THSD4: variants seen among roughly 807,000 people sequenced by gnomAD.
The protein encoded by THSD4 is thrombospondin type 1 domain containing 4.
A neutral mutation model predicts 119.0 loss-of-function variants in THSD4; 69 were observed. That is an observed-to-expected ratio of 0.58 (90% CI 0.48 to 0.71). The LOEUF is 0.71. THSD4 is among the 30% of genes least tolerant of loss of function. The pLI, the probability that THSD4 is intolerant of heterozygous loss-of-function variation, is 0.00. For missense variants in THSD4, 1,393 were observed against 1,391.1 expected (o/e 1.00, Z -0.02); for synonymous variants, 524 against 540.4 (o/e 0.97, Z 0.42).
At chr15:71,636,587 G>A (rs770761016) in intron 7 of THSD4, among the ~76,000 whole-genome samples, 2 of 152,110 alleles carry the variant, frequency 1.3e-5, no homozygotes, top group African/African-American at 2.4e-5. Context: ...TCTTTCTCCT[G>A]TCACTGGACT....
chr15:71,448,557 A>G (rs1322560839), intron 7 of THSD4, among the ~76,000 whole-genome samples: 1 of 152,204 alleles, frequency 6.6e-6, no homozygotes, highest in African/African-American at 2.4e-5. Flanking sequence ...ATTTAAATTT[A>G]AATTATTGAT....
Position 71,608,237 on chromosome 15 carries a change from A to AAATATATAT in THSD4, c.1153-52292_1153-52291insATATATATA, listed in dbSNP as rs537013275. Among the ~76,000 whole-genome samples, 495 of 111,572 alleles carry AAATATATAT rather than the reference A, an allele frequency of 4.4e-3. 8 individuals carry two copies. The highest frequency in any genetic ancestry group is 0.02 in the Middle Eastern group (4 of 200). 73.2% of individuals were successfully genotyped at this position (111,572 alleles called of 152,430 possible). On this transcript the variant is annotated intron_variant, in intron 7 of 17. Transcript: ENST00000261862. ...AACTCTGTCTCAAAAAAAAAAAAAA[A>AAATATATAT]ATATATATATATACACACACACACA...
At chr15:71,578,782 A>G (rs557394858) in intron 7 of THSD4, among the ~76,000 whole-genome samples, 2 of 152,068 alleles carry the variant, frequency 1.3e-5, no homozygotes, top group East Asian at 3.9e-4. Context: ...CACTGTTTTA[A>G]TGATATTTGG....
intron 7 of THSD4, among the ~76,000 whole-genome samples, chr15:71,471,695 A>T (rs939738447): frequency 2.6e-5 from 4 of 151,100 alleles, no homozygotes; most frequent in Non-Finnish European, 1.5e-5. Context: ...CAAGTCCCTG[A>T]CACTTTTCAT....
At chr15:71,485,429 A>G (rs535438295) in intron 7 of THSD4, among the ~76,000 whole-genome samples, 1 of 152,322 alleles carries the variant, frequency 6.6e-6, no homozygotes, top group Admixed American at 6.5e-5. Context: ...GTTCACCATC[A>G]TTGACTATTT....
intron 5 of THSD4, among the ~76,000 whole-genome samples, chr15:71,250,073 T>C (rs768709314): frequency 2.0e-4 from 30 of 152,250 alleles, no homozygotes; most frequent in Non-Finnish European, 4.0e-4. Flanking sequence ...TTCCTTTCCA[T>C]GCATTATACA....
At chr15:71,167,611 C>G (rs900241978) in intron 3 of THSD4, among the ~76,000 whole-genome samples, 1 of 152,164 alleles carries the variant, frequency 6.6e-6, no homozygotes, top group African/African-American at 2.4e-5. Flanking sequence ...GTTTTCATTA[C>G]TTAGATAATC....
intron 8 of THSD4, among the ~76,000 whole-genome samples, chr15:71,708,317 C>A (rs1198928082): frequency 6.6e-6 from 1 of 152,192 alleles, no homozygotes; most frequent in East Asian, 1.9e-4. Flanking sequence ...GTTTTTCATC[C>A]TCTGTAGACA....
At chr15:71,771,022 G>T (rs2053812979) in intron 16 of THSD4, 42 bp from the exon 17 acceptor site, 1 of 1,603,634 alleles carries the variant, frequency 6.2e-7, no homozygotes. Flanking sequence ...TGAGCTATTG[G>T]TCTGCCCAAA....
intron 3 of THSD4, chr15:71,165,518 C>T (rs2141394920): frequency 1.2e-6 from 1 of 823,328 alleles, no homozygotes; most frequent in Non-Finnish European, 1.9e-6. Context: ...ACTGCCAAAA[C>T]AGTCATTTTT....
chr15:71,532,283 A>AGAGTGTGT (rs1379506089), intron 7 of THSD4, among the ~76,000 whole-genome samples: 30 of 101,644 alleles, frequency 3.0e-4, no homozygotes, highest in Middle Eastern at 5.4e-3. Context: ...AGAGAGAGAG[A>AGAGTGTGT]GTGTGTGTGT....
At chr15:71,479,243 T>A (rs1015684670) in intron 7 of THSD4, among the ~76,000 whole-genome samples, 4 of 142,564 alleles carry the variant, frequency 2.8e-5, no homozygotes, top group Non-Finnish European at 6.0e-5. Context: ...AGTAAGGTAC[T>A]AGATGGACAT....
intron 7 of THSD4, among the ~76,000 whole-genome samples, chr15:71,586,424 T>C (rs1391215219): frequency 2.6e-5 from 4 of 152,176 alleles, no homozygotes; most frequent in African/African-American, 9.7e-5. Flanking sequence ...GGAATATTTT[T>C]CTAAGCTCAC....
intron 7 of THSD4, among the ~76,000 whole-genome samples, chr15:71,469,205 G>A (rs777445718): frequency 3.5e-4 from 53 of 152,200 alleles, no homozygotes; most frequent in Admixed American, 5.2e-4. Flanking sequence ...AGAGAATTCT[G>A]CTTGATAAAC....
At chr15:71,601,405 T>C (rs2050009262) in intron 7 of THSD4, among the ~76,000 whole-genome samples, 1 of 152,170 alleles carries the variant, frequency 6.6e-6, no homozygotes, top group African/African-American at 2.4e-5. Flanking sequence ...TGCTCCCTTA[T>C]GGCCTCCATG....
intron 7 of THSD4, among the ~76,000 whole-genome samples, chr15:71,627,674 C>A (rs922550535): frequency 6.6e-6 from 1 of 151,980 alleles, no homozygotes; most frequent in African/African-American, 2.4e-5. Context: ...ATTAAGAATC[C>A]CCATGGAATG....
chr15:71,757,950 A>G lies in THSD4; in HGVS notation c.2464A>G (p.Met822Val), dbSNP rs777395918. 11 of 1,614,018 alleles carry G rather than the reference A, an allele frequency of 6.8e-6. No homozygotes were observed. The East Asian group carries it at 8.9e-5, about 13-fold the overall frequency. The change falls in exon 15 of 18, where the codon ATG becomes GTG. Residue 822 changes from methionine (M) to valine (V), a missense_variant. By Grantham distance (21) the Met-to-Val change is conservative (BLOSUM62 1). Transcript: ENST00000261862. The part of the protein sequence containing the change: ...AGVRTRSVVC[M>V]TNHVSSLPLE... Reference sequence around the variant, plus strand: ...AGTGCGGACACGCTCGGTGGTGTGCATGACCAACCATGTCAGCAGCCTGCC... The same window carrying G: ...AGTGCGGACACGCTCGGTGGTGTGCGTGACCAACCATGTCAGCAGCCTGCC...
chr15:71,451,881 C>G (rs2047270350), intron 7 of THSD4, among the ~76,000 whole-genome samples: 1 of 152,136 alleles, frequency 6.6e-6, no homozygotes, highest in Non-Finnish European at 1.5e-5. Context: ...TTCGTGCTGA[C>G]CAGTGGAGCT....
At chr15:71,719,863 A>T (rs1266541312) in intron 8 of THSD4, among the ~76,000 whole-genome samples, 1 of 151,690 alleles carries the variant, frequency 6.6e-6, no homozygotes, top group Non-Finnish European at 1.5e-5. Flanking sequence ...CTTTGTAGGG[A>T]TGGGGTTTCT....
Sources: gnomAD v4.1 joint callset for allele counts (sites outside exome capture counted in the v4.1 genomes callset) on GRCh38, gnomAD v4.1.1 for gene constraint, MANE v1.5 for transcripts, NCBI Gene and HGNC (gene_info 2026-07-23, HGNC 2026-07-21) for gene names.